SNTG2: variants seen among roughly 807,000 people sequenced by gnomAD.
The protein encoded by SNTG2 is syntrophin gamma 2, also known as gamma-2-syntrophin.
SNTG2 carries 74 observed loss-of-function variants against 70.9 expected under a neutral mutation model. That is an observed-to-expected ratio of 1.04 (90% CI 0.86 to 1.27). The LOEUF is 1.27. Among genes scored for constraint, SNTG2 ranks in the 50% most tolerant of loss-of-function variants. The pLI, the probability that SNTG2 is intolerant of heterozygous loss-of-function variation, is 0.00. For missense variants in SNTG2, 717 were observed against 690.7 expected (o/e 1.04, Z -0.43); for synonymous variants, 278 against 273.8 (o/e 1.02, Z -0.15).
rs1661615014 is a variant in SNTG2 at position 994,640 on chromosome 2, A to G, written c.72+43572A>G. 2.6e-5 allele frequency among the ~76,000 whole-genome samples: 4 copies of G among 152,050 alleles called. No homozygotes were observed. The South Asian group carries it at 6.2e-4, about 24-fold the overall frequency. ...ATTTGAGAATTATCCATTTCATAAT[A>G]TTAAGAATTTATTAAATTTTAACTG... On this transcript the variant is annotated intron_variant, in intron 1 of 16. Coordinates refer to ENST00000308624, the MANE Select transcript of SNTG2 (RefSeq NM_018968.4).
At chr2:1,334,023 A>C (rs1659670022) in intron 16 of SNTG2, among the ~76,000 whole-genome samples, 1 of 152,232 alleles carries the variant, frequency 6.6e-6, no homozygotes, top group African/African-American at 2.4e-5. Context: ...GAAAGGGATA[A>C]AATCTTCGCA....
intron 15 of SNTG2, among the ~76,000 whole-genome samples, chr2:1,312,429 T>A (rs1681046146): frequency 6.6e-6 from 1 of 152,098 alleles, no homozygotes; most frequent in Admixed American, 6.5e-5. Flanking sequence ...GGAGAGGACA[T>A]CGACAAGAAT....
At chr2:1,030,542 T>TTGA (rs1415603517) in intron 1 of SNTG2, among the ~76,000 whole-genome samples, 1 of 152,112 alleles carries the variant, frequency 6.6e-6, no homozygotes, top group Non-Finnish European at 1.5e-5. Context: ...CAGTGAGCAT[T>TTGA]TGATGGTCAG....
intron 6 of SNTG2, 21 bp from the exon 7 acceptor site, chr2:1,165,517 GTAAAAGTAGC>G: frequency 6.3e-7 from 1 of 1,580,738 alleles, no homozygotes; most frequent in Non-Finnish European, 8.7e-7. Flanking sequence ...TTTTGTGGTG[GTAAAAGTAGC>G]TATTTTTGTC....
intron 11 of SNTG2, among the ~76,000 whole-genome samples, chr2:1,245,126 T>TG (rs1334357202): frequency 3.4e-5 from 2 of 58,660 alleles, no homozygotes; most frequent in South Asian, 7.7e-4. Flanking sequence ...TGTTGTCGGG[T>TG]GGGGGGAGGG....
At chr2:1,303,775 A>G (rs919145497) in intron 14 of SNTG2, among the ~76,000 whole-genome samples, 2 of 152,226 alleles carry the variant, frequency 1.3e-5, no homozygotes, top group Admixed American at 6.5e-5. Flanking sequence ...AATAAATGAA[A>G]TGGGATATCA....
At chr2:968,263 A>T (rs574529622) in intron 1 of SNTG2, among the ~76,000 whole-genome samples, 16 of 152,212 alleles carry the variant, frequency 1.1e-4, no homozygotes, top group African/African-American at 3.6e-4. Flanking sequence ...AAATCCTTTG[A>T]TAAAAAGTTG....
At position 972,013 on chromosome 2, in the gene SNTG2, G is replaced by T. The variant is rs1301834206; in HGVS notation, c.72+20945G>T. Among the ~76,000 whole-genome samples the T allele has an allele frequency of 5.3e-5, 8 of 151,984 alleles. No homozygotes were observed. In the South Asian group the frequency reaches 8.3e-4, roughly 16 times the overall value. ...TATTTTTATTGTGGTCAAAGAATGT[G>T]GTTGATATTCTTTTTTAATTTGCTG... On this transcript the variant is annotated intron_variant, in intron 1 of 16. Coordinates refer to ENST00000308624, the MANE Select transcript of SNTG2 (RefSeq NM_018968.4).
intron 1 of SNTG2, among the ~76,000 whole-genome samples, chr2:1,061,234 C>T (rs917623687): frequency 6.6e-6 from 1 of 151,924 alleles, no homozygotes; most frequent in Non-Finnish European, 1.5e-5. Flanking sequence ...TGTGACAGCA[C>T]AAAGCCGTGT....
chr2:1,227,926 G>A (rs1675904167), intron 9 of SNTG2, among the ~76,000 whole-genome samples: 1 of 152,212 alleles, frequency 6.6e-6, no homozygotes. Context: ...TTCTAAAAAT[G>A]AGGAAGAGAG....
rs112227502 is a variant in SNTG2, at chr2:1,353,470, G to A, written c.1489-13873G>A. ...CTAAGACAAACTACAAAGCATCCTC[G>A]CTTATTCCAGGTATTCATTCATGCA... On this transcript the variant is annotated intron_variant, in intron 16 of 16. Transcript: ENST00000308624. The surrounding 1 kb of genome is among the most constrained non-coding windows in gnomAD (Gnocchi z 4.2). Among the ~76,000 whole-genome samples the A allele has an allele frequency of 2.0e-5, 3 of 152,216 alleles. No homozygotes were observed. Among genetic ancestry groups the A allele is most frequent in the Admixed American group, 6.5e-5 (1 of 15,294 alleles).
At chr2:1,239,632 CCT>C (rs2148111295) in intron 10 of SNTG2, 104 bp from the exon 11 acceptor site, 5 of 1,162,720 alleles carry the variant, frequency 4.3e-6, no homozygotes, top group Non-Finnish European at 6.3e-6. Context: ...ATTAAAGAGG[CCT>C]GTTTCCCAGG....
chr2:1,254,886 G>A (rs1185493852), intron 12 of SNTG2, among the ~76,000 whole-genome samples: 1 of 152,204 alleles, frequency 6.6e-6, no homozygotes, highest in Non-Finnish European at 1.5e-5. Context: ...TTGCCCTGGT[G>A]TTAAGTCACT....
chr2:1,346,758 G>A lies in SNTG2; in HGVS notation c.1489-20585G>A, dbSNP rs186133236. On this transcript the variant is annotated intron_variant, in intron 16 of 16. Transcript: ENST00000308624. The stretch of plus-strand genomic sequence containing the variant: ...AGGCTGACAGAATCTCATGTGAACC[G>A]TAAGTCAGTGCATGGAGGGTGTGCA... 8.4e-4 allele frequency among the ~76,000 whole-genome samples: 128 copies of A among 152,248 alleles called. 2 individuals carry two copies. Among genetic ancestry groups the A allele is most frequent in the Admixed American group, 7.3e-3 (111 of 15,298 alleles).
chr2:1,307,941 A>G (rs553638169), intron 14 of SNTG2, among the ~76,000 whole-genome samples: 1 of 152,212 alleles, frequency 6.6e-6, no homozygotes, highest in South Asian at 2.1e-4. Context: ...TTCAGACTGC[A>G]GACCTTCTCG....
At chr2:1,230,146 G>A (rs1027298316) in intron 9 of SNTG2, among the ~76,000 whole-genome samples, 11 of 152,232 alleles carry the variant, frequency 7.2e-5, no homozygotes, top group Non-Finnish European at 1.3e-4. Flanking sequence ...CTGCCAGCAC[G>A]CTGTCACCTC....
intron 9 of SNTG2, among the ~76,000 whole-genome samples, chr2:1,222,343 A>G (rs1207151166): frequency 6.6e-6 from 1 of 152,256 alleles, no homozygotes; most frequent in African/African-American, 2.4e-5. Flanking sequence ...AAGCAAGATA[A>G]ATTCGTAACA....
intron 9 of SNTG2, among the ~76,000 whole-genome samples, chr2:1,228,248 G>C (rs907455210): frequency 1.3e-5 from 2 of 152,250 alleles, no homozygotes; most frequent in Non-Finnish European, 2.9e-5. Flanking sequence ...TCACATGTGT[G>C]CTTAAAATGT....
intron 8 of SNTG2, among the ~76,000 whole-genome samples, chr2:1,179,010 CT>C (rs1171520986): frequency 6.6e-6 from 1 of 152,122 alleles, no homozygotes; most frequent in African/African-American, 2.4e-5. Context: ...AGAGATTCAA[CT>C]TCTTCCTGGT....
Sources: gnomAD v4.1 joint callset for allele counts (sites outside exome capture counted in the v4.1 genomes callset) on GRCh38, gnomAD v4.1.1 for gene constraint, Gnocchi (gnomAD v3.1) non-coding constraint, MANE v1.5 for transcripts, NCBI Gene and HGNC (gene_info 2026-07-23, HGNC 2026-07-21) for gene names.